TGFB2: variants seen among roughly 807,000 people sequenced by gnomAD.
The protein encoded by TGFB2 is transforming growth factor beta 2.
TGFB2 carries 13 observed loss-of-function variants against 42.7 expected under a neutral mutation model. That is an observed-to-expected ratio of 0.30 (90% CI 0.20 to 0.48). The LOEUF (loss-of-function observed/expected upper bound fraction) is 0.48, where lower values mean the gene tolerates loss of function less well. Ranked by LOEUF, TGFB2 falls within the 20% of genes least tolerant of loss-of-function variation. TGFB2 has a pLI of 0.99. For missense variants in TGFB2, 390 were observed against 517.5 expected (o/e 0.75, Z 2.39); for synonymous variants, 193 against 193.6 (o/e 1.00, Z 0.03).
At chr1:218,353,234 C>T (rs1330970128) in intron 1 of TGFB2, among the ~76,000 whole-genome samples, 2 of 152,164 alleles carry the variant, frequency 1.3e-5, no homozygotes, top group African/African-American at 4.8e-5. Context: ...TTTTCCTTTG[C>T]GATAGTTCCA....
At chr1:218,348,963 C>G (rs953451652) in intron 1 of TGFB2, among the ~76,000 whole-genome samples, 32 of 152,214 alleles carry the variant, frequency 2.1e-4, no homozygotes, top group African/African-American at 7.0e-4. Flanking sequence ...CTCTGAAGCA[C>G]ACTTCAGTCT....
At chr1:218,436,183 C>T (rs1273364077) in intron 5 of TGFB2, 36 bp downstream of exon 5, 1 of 1,596,342 alleles carries the variant, frequency 6.3e-7, no homozygotes, top group Non-Finnish European at 8.5e-7. Flanking sequence ...GTAATTGCAT[C>T]TGTTAACTCT....
chr1:218,355,392 G>A (rs1363306581), intron 1 of TGFB2, among the ~76,000 whole-genome samples: 2 of 152,200 alleles, frequency 1.3e-5, no homozygotes, highest in Non-Finnish European at 2.9e-5. Flanking sequence ...TTGTACCAAA[G>A]GAATCTCAAA....
intron 1 of TGFB2, among the ~76,000 whole-genome samples, chr1:218,379,134 T>TTTC (rs1558235682): frequency 2.1e-5 from 3 of 145,596 alleles, no homozygotes; most frequent in East Asian, 2.0e-4. Flanking sequence ...TTCTTTCTTT[T>TTTC]TTTTTTTTCT....
chr1:218,431,762 G>T (rs1233508828), intron 2 of TGFB2, among the ~76,000 whole-genome samples: 1 of 152,212 alleles, frequency 6.6e-6, no homozygotes, highest in Non-Finnish European at 1.5e-5. Flanking sequence ...CAATGAGGCA[G>T]ATCAGAATGC....
chr1:218,362,598 TG>T (rs572886720), intron 1 of TGFB2, among the ~76,000 whole-genome samples: 98 of 152,336 alleles, frequency 6.4e-4, no homozygotes, highest in Non-Finnish European at 1.3e-3. Flanking sequence ...TTACCACCAA[TG>T]GAAAAAGTTT....
intron 2 of TGFB2, among the ~76,000 whole-genome samples, chr1:218,411,851 C>G (rs1200483275): frequency 1.4e-5 from 2 of 144,430 alleles, no homozygotes; most frequent in African/African-American, 5.4e-5. Context: ...GGCGACAGAG[C>G]CAAATTCAGT....
chr1:218,378,321 C>T (rs993641201), intron 1 of TGFB2, among the ~76,000 whole-genome samples: 2 of 152,238 alleles, frequency 1.3e-5, no homozygotes, highest in Admixed American at 6.5e-5. Flanking sequence ...GGATTACAGG[C>T]GCCCGCCACT....
At chr1:218,375,113 G>GTCAT (rs1297225410) in intron 1 of TGFB2, among the ~76,000 whole-genome samples, 3 of 152,176 alleles carry the variant, frequency 2.0e-5, no homozygotes, top group Admixed American at 6.5e-5. Flanking sequence ...CCCCTGTTTA[G>GTCAT]TCATCTGTCT....
chr1:218,362,438 C>T (rs1657243655), intron 1 of TGFB2, among the ~76,000 whole-genome samples: 1 of 152,170 alleles, frequency 6.6e-6, no homozygotes, highest in South Asian at 2.1e-4. Flanking sequence ...TTAAATATAT[C>T]ATCTCATTTC....
At chr1:218,376,294 A>G (rs1057499574) in intron 1 of TGFB2, among the ~76,000 whole-genome samples, 1 of 152,164 alleles carries the variant, frequency 6.6e-6, no homozygotes, top group African/African-American at 2.4e-5. Context: ...GTTAGTAATG[A>G]TTTCTACAAC....
intron 1 of TGFB2, among the ~76,000 whole-genome samples, chr1:218,386,126 T>G (rs987050390): frequency 6.6e-6 from 1 of 152,158 alleles, no homozygotes; most frequent in African/African-American, 2.4e-5. Flanking sequence ...CTTTAAGTAC[T>G]ACAGAACAAA....
chr1:218,409,702 C>A (rs1018717376), intron 2 of TGFB2, among the ~76,000 whole-genome samples: 1 of 152,124 alleles, frequency 6.6e-6, no homozygotes, highest in African/African-American at 2.4e-5. Flanking sequence ...ATGGGCAGAT[C>A]TTCAGCTATT....
chr1:218,435,863 G>A, intron 4 of TGFB2, 107 bp from the exon 5 acceptor site: 1 of 1,115,396 alleles, frequency 9.0e-7, no homozygotes, highest in Non-Finnish European at 1.3e-6. Context: ...TGCTGCTTTG[G>A]TGGTCATCAC....
At chr1:218,353,084 G>A (rs1397491211) in intron 1 of TGFB2, among the ~76,000 whole-genome samples, 1 of 152,082 alleles carries the variant, frequency 6.6e-6, no homozygotes, top group Non-Finnish European at 1.5e-5. Flanking sequence ...GTGCCACTAA[G>A]AAAAAAATAT....
rs1012395296 is a variant in TGFB2, at chr1:218,419,859, T to A, written c.511-14223T>A. 9.7e-4 allele frequency among the ~76,000 whole-genome samples: 147 copies of A among 152,322 alleles called. 1 individual carries two copies. Among genetic ancestry groups the A allele is most frequent in the Non-Finnish European group, 3.5e-4 (24 of 68,032 alleles). ...TGTAGGTAAAAAAATAAAATAAAAT[T>A]ATGTAATAAATTAATGAAACTGATA... On this transcript the variant is annotated intron_variant, in intron 2 of 6. Coordinates refer to ENST00000366930, the MANE Select transcript of TGFB2 (RefSeq NM_003238.6).
In TGFB2 at chr1:218,437,358, T is replaced by C; in HGVS notation, c.948T>C (p.Asn316=). The C allele has an allele frequency of 6.2e-7, 1 of 1,600,716 alleles. No homozygotes were observed. Among genetic ancestry groups the C allele is most frequent in the Admixed American group, 1.7e-5 (1 of 57,616 alleles). Residue 316 remains asparagine, a synonymous_variant, in exon 6 of 7, where the codon AAT becomes AAC. Transcript: ENST00000366930. The stretch of plus-strand genomic sequence containing the variant: ...TTTTTAACAGAAATGTGCAGGATAA[T>C]TGCTGCCTACGTCCACTTTACATTG... ...AAYCFRNVQD[N]CCLRPLYIDF... is the part of the protein sequence containing the mutation.
At chr1:218,422,698 ATG>A (rs1160797732) in intron 2 of TGFB2, among the ~76,000 whole-genome samples, 1 of 152,070 alleles carries the variant, frequency 6.6e-6, no homozygotes, top group Non-Finnish European at 1.5e-5. Context: ...CTGGTAACCT[ATG>A]AACACATCGT....
intron 1 of TGFB2, among the ~76,000 whole-genome samples, chr1:218,391,558 G>A (rs2102578834): frequency 6.6e-6 from 1 of 152,312 alleles, no homozygotes; most frequent in Middle Eastern, 3.4e-3. Context: ...GTGCCCTGCA[G>A]TATCATTTAA....
Sources: gnomAD v4.1 joint callset for allele counts (sites outside exome capture counted in the v4.1 genomes callset) on GRCh38, gnomAD v4.1.1 for gene constraint, MANE v1.5 for transcripts, NCBI Gene and HGNC (gene_info 2026-07-23, HGNC 2026-07-21) for gene names.